TSHZ3: variants seen among roughly 807,000 people sequenced by gnomAD.
The protein encoded by TSHZ3 is teashirt homolog 3.
Under a neutral mutation model 64.5 loss-of-function variants are expected in TSHZ3, and 10 were observed. The observed-to-expected ratio is 0.16, with a 90% CI of 0.10 to 0.26. TSHZ3 has a LOEUF of 0.26. Among genes scored for constraint, TSHZ3 ranks in the 10% least tolerant of loss-of-function variants. TSHZ3 has a pLI of 1.00. For synonymous variants in TSHZ3, 608 were observed against 593.1 expected (o/e 1.03, Z -0.36); for missense variants, 1,242 against 1,421.7 (o/e 0.87, Z 2.03).
chr19:31,165,778 C>T (rs951177637), intron 5 of TSHZ3, among the ~76,000 whole-genome samples: 3 of 152,098 alleles, frequency 2.0e-5, no homozygotes, highest in South Asian at 2.1e-4. Flanking sequence ...TTTAAAGTGA[C>T]CTAAGGGACA....
intron 3 of TSHZ3, among the ~76,000 whole-genome samples, chr19:31,230,663 C>T (rs984836660): frequency 2.6e-5 from 4 of 151,036 alleles, no homozygotes; most frequent in Non-Finnish European, 5.9e-5. Flanking sequence ...AGTCAGCAGC[C>T]CCATCACTAC....
At chr19:31,307,544 G>A (rs1181121131) in intron 1 of TSHZ3, among the ~76,000 whole-genome samples, 4 of 152,188 alleles carry the variant, frequency 2.6e-5, no homozygotes, top group African/African-American at 4.8e-5. Context: ...AAAACCGCGT[G>A]ATGAATGGCA....
intron 3 of TSHZ3, among the ~76,000 whole-genome samples, chr19:31,238,525 G>A (rs1218273591): frequency 1.3e-5 from 2 of 152,024 alleles, no homozygotes; most frequent in Non-Finnish European, 2.9e-5. Context: ...CAAATTGCTG[G>A]GATTACAGGC....
At chr19:31,194,029 G>A (rs552029041) in intron 5 of TSHZ3, among the ~76,000 whole-genome samples, 171 of 152,144 alleles carry the variant, frequency 1.1e-3, no homozygotes, top group Non-Finnish European at 2.0e-3. Context: ...ACAAATCACC[G>A]ACCCCAAAAT....
chr19:31,243,826 AT>A (rs1975727311), intron 1 of TSHZ3, among the ~76,000 whole-genome samples: 1 of 152,138 alleles, frequency 6.6e-6, no homozygotes, highest in Admixed American at 6.5e-5. Flanking sequence ...CCTCATCTGC[AT>A]TTGGAAACTT....
intron 1 of TSHZ3, among the ~76,000 whole-genome samples, chr19:31,294,926 G>A (rs1366933399): frequency 6.6e-6 from 1 of 152,040 alleles, no homozygotes; most frequent in African/African-American, 2.4e-5. Context: ...TTCTTGTGGA[G>A]AATAATTTTG....
rs776962284 is a variant in TSHZ3, at chr19:31,277,446, G to C, written c.2347C>G (p.His783Asp). Residue 783 changes from histidine (H) to aspartate (D), a missense_variant, in exon 2 of 2, where the codon CAC becomes GAC. His to Asp is a moderately conservative substitution (Grantham distance 81, BLOSUM62 -1). Coordinates refer to ENST00000240587, the MANE Select transcript of TSHZ3 (RefSeq NM_020856.4). This position sits in a 1 kb window ranked among gnomAD's most constrained non-coding sequence, Gnocchi z 4.5. Reference sequence around the variant, plus strand: ...TCTATGGGCTGGTCGTTGTTGACGTGGTAGAAATAGCGGTCGAGGTGGTCT... The same window carrying C: ...TCTATGGGCTGGTCGTTGTTGACGTCGTAGAAATAGCGGTCGAGGTGGTCT... ...KADHLDRYFY[H>D]VNNDQPIDLT... The C allele has an allele frequency of 1.1e-5, 18 of 1,613,918 alleles. No homozygotes were observed. The highest frequency in any genetic ancestry group is 1.3e-5 in the African/African-American group (1 of 74,886).
chr19:31,182,478 G>T (rs1056186165), intron 5 of TSHZ3, among the ~76,000 whole-genome samples: 2 of 152,120 alleles, frequency 1.3e-5, no homozygotes, highest in African/African-American at 4.8e-5. Context: ...ACACCAAAAT[G>T]CACAGCCCGT....
chr19:31,240,681 G>A (rs1437601147), intron 3 of TSHZ3, among the ~76,000 whole-genome samples: 1 of 151,982 alleles, frequency 6.6e-6, no homozygotes, highest in African/African-American at 2.4e-5. Context: ...TTTTCACACA[G>A]GTCCATAAGG....
At chr19:31,161,865 T>A (rs570979860) in intron 5 of TSHZ3, among the ~76,000 whole-genome samples, 1 of 152,328 alleles carries the variant, frequency 6.6e-6, no homozygotes, top group East Asian at 1.9e-4. Flanking sequence ...GTGGGCTATA[T>A]GTAAATGAAG....
At chr19:31,344,730 T>C (rs1019419856) in intron 1 of TSHZ3, among the ~76,000 whole-genome samples, 1 of 152,070 alleles carries the variant, frequency 6.6e-6, no homozygotes, top group African/African-American at 2.4e-5. Flanking sequence ...ATCCCAGGAG[T>C]GGAGGGCGGC....
At chr19:31,198,214 T>C (rs1054332421) in intron 5 of TSHZ3, among the ~76,000 whole-genome samples, 1 of 152,120 alleles carries the variant, frequency 6.6e-6, no homozygotes, top group African/African-American at 2.4e-5. Context: ...ACCATATCAA[T>C]AGATGCATAC....
chr19:31,156,526 G>A (rs1974308175), intron 5 of TSHZ3, among the ~76,000 whole-genome samples: 2 of 152,194 alleles, frequency 1.3e-5, no homozygotes, highest in Admixed American at 1.3e-4. Context: ...TCTATTTAAA[G>A]TGAAGAAGCT....
At chr19:31,270,937 T>C (rs117287873), downstream of TSHZ3, among the ~76,000 whole-genome samples, 1,116 of 152,320 alleles carry the variant, frequency 7.3e-3, 5 homozygotes, top group Non-Finnish European at 0.012. Context: ...AGAAAAGCAG[T>C]GTCTCTGATC....
intron 5 of TSHZ3, among the ~76,000 whole-genome samples, chr19:31,169,722 C>T (rs1974509732): frequency 6.6e-6 from 1 of 152,146 alleles, no homozygotes; most frequent in Non-Finnish European, 1.5e-5. Context: ...CCGAGCAATG[C>T]TGTGATCTTC....
chr19:31,326,310 C>T (rs1300439431), intron 1 of TSHZ3, among the ~76,000 whole-genome samples: 2 of 152,210 alleles, frequency 1.3e-5, no homozygotes, highest in Non-Finnish European at 2.9e-5. Flanking sequence ...TAGAAGAAGA[C>T]TCTCTTTTAA....
intron 1 of TSHZ3, among the ~76,000 whole-genome samples, chr19:31,312,219 C>T (rs1045914998): frequency 2.0e-5 from 3 of 152,312 alleles, no homozygotes; most frequent in South Asian, 4.1e-4. Flanking sequence ...TTCCCTCCCA[C>T]GGCTGGAAAC....
At chr19:31,231,469 C>T (rs1975539207) in intron 3 of TSHZ3, among the ~76,000 whole-genome samples, 1 of 152,188 alleles carries the variant, frequency 6.6e-6, no homozygotes, top group South Asian at 2.1e-4. Flanking sequence ...TGTAGCCTGA[C>T]TCCACTGTGA....
chr19:31,306,312 C>T (rs1053585938), intron 1 of TSHZ3, among the ~76,000 whole-genome samples: 8 of 152,196 alleles, frequency 5.3e-5, no homozygotes, highest in South Asian at 2.1e-4. Context: ...ACTTCACTAC[C>T]AAATTTCCTG....
Sources: gnomAD v4.1 joint callset for allele counts (sites outside exome capture counted in the v4.1 genomes callset) on GRCh38, gnomAD v4.1.1 for gene constraint, Gnocchi (gnomAD v3.1) non-coding constraint, MANE v1.5 for transcripts, NCBI Gene and HGNC (gene_info 2026-07-23, HGNC 2026-07-21) for gene names.